Variants in AOPEP observed in about 807,000 individuals in gnomAD.
The protein encoded by AOPEP is aminopeptidase O (putative), also known as aminopeptidase O.
In AOPEP, 77 loss-of-function variants were observed where a neutral mutation model predicts 98.1. The observed-to-expected ratio is 0.78, with a 90% CI of 0.65 to 0.95. The LOEUF is 0.95. Ranked by LOEUF, AOPEP falls within the 40% of genes least tolerant of loss-of-function variation. The pLI, the probability that AOPEP is intolerant of heterozygous loss-of-function variation, is 0.00. For missense variants in AOPEP, 1,024 were observed against 1,024.7 expected (o/e 1.00, Z 0.01); for synonymous variants, 346 against 365.3 (o/e 0.95, Z 0.60).
chr9:95,056,824 C>G (rs975214424), intron 13 of AOPEP, among the ~76,000 whole-genome samples: 1 of 152,194 alleles, frequency 6.6e-6, no homozygotes, highest in Non-Finnish European at 1.5e-5. Flanking sequence ...TAACAAGCAG[C>G]ATTTGTACTT....
chr9:95,034,217 G>C (rs1228600408), intron 13 of AOPEP, among the ~76,000 whole-genome samples: 1 of 152,180 alleles, frequency 6.6e-6, no homozygotes, highest in African/African-American at 2.4e-5. Context: ...AAGCCAAGAT[G>C]TAGGTAGCGA....
chr9:94,825,377 G>C (rs144048671), intron 5 of AOPEP, among the ~76,000 whole-genome samples: 16 of 152,334 alleles, frequency 1.1e-4, no homozygotes, highest in African/African-American at 3.8e-4. Context: ...GTTGTCGAAG[G>C]CATCTCCAGG....
intron 1 of AOPEP, among the ~76,000 whole-genome samples, chr9:94,743,198 A>AGGAAGAAGAGGAAGG (rs1833611661): frequency 1.6e-5 from 2 of 121,252 alleles, no homozygotes; most frequent in African/African-American, 7.1e-5. Context: ...GAAGAAGAAG[A>AGGAAGAAGAGGAAGG]AGAGGAAGAA....
intron 4 of AOPEP, 109 bp from the exon 5 acceptor site, chr9:94,800,648 G>A (rs1392822916): frequency 1.8e-6 from 2 of 1,137,400 alleles, no homozygotes; most frequent in Non-Finnish European, 1.3e-6. Context: ...TTGCTTGTGA[G>A]TCTGTCTGAA....
At chr9:94,799,179 A>T (rs1000401977) in intron 4 of AOPEP, among the ~76,000 whole-genome samples, 7 of 152,184 alleles carry the variant, frequency 4.6e-5, no homozygotes, top group Non-Finnish European at 1.0e-4. Flanking sequence ...TTGGAGAGGA[A>T]TTATTGTTGC....
At chr9:94,821,402 G>A (rs998901585) in intron 5 of AOPEP, among the ~76,000 whole-genome samples, 1 of 152,216 alleles carries the variant, frequency 6.6e-6, no homozygotes, top group Non-Finnish European at 1.5e-5. Flanking sequence ...GAAGGCTAAT[G>A]CTGTATTTTT....
rs1181919829 is a variant in AOPEP at position 94,750,748 on chromosome 9, TTTTC to T, written c.-135-8893_-135-8890del. On this transcript the variant is annotated intron_variant, in intron 1 of 16. Transcript: ENST00000375315. ...GTCTGATGATTTTTCTTTTCTTTTCTTTTCTTTCTTTTTTTTTTTTTTTTGTGAG... is the reference window on the plus strand; with the variant it reads ...GTCTGATGATTTTTCTTTTCTTTTCTTTTCTTTTTTTTTTTTTTTTGTGAG... Among the ~76,000 whole-genome samples, 12 of 149,654 alleles carry T rather than the reference TTTTC, an allele frequency of 8.0e-5. No homozygotes were observed. The East Asian group carries it at 1.4e-3, about 17-fold the overall frequency.
intron 2 of AOPEP, among the ~76,000 whole-genome samples, chr9:94,770,255 C>T (rs1041255944): frequency 2.0e-5 from 3 of 152,216 alleles, no homozygotes; most frequent in Non-Finnish European, 2.9e-5. Context: ...GTAGCTTTGC[C>T]ATCCATCTTA....
intron 5 of AOPEP, among the ~76,000 whole-genome samples, chr9:94,889,037 T>C (rs1295447323): frequency 2.6e-5 from 4 of 151,878 alleles, no homozygotes; most frequent in African/African-American, 7.3e-5. Flanking sequence ...TCTCCTCTGT[T>C]CTCCTTTTTG....
At chr9:94,928,812 T>G in intron 7 of AOPEP, 1 of 343,172 alleles carries the variant, frequency 2.9e-6, no homozygotes, top group Non-Finnish European at 5.3e-6. Context: ...CTTTACGTGG[T>G]GGCTGCGGAT....
chr9:95,117,494 C>G, the AOPEP span: 2 of 819,568 alleles, frequency 2.4e-6, no homozygotes, highest in East Asian at 5.3e-5. Context: ...CCCACCAGTA[C>G]TAACATGGTC....
At chr9:94,741,995 G>A (rs561450650) in intron 1 of AOPEP, among the ~76,000 whole-genome samples, 7 of 152,234 alleles carry the variant, frequency 4.6e-5, no homozygotes, top group Admixed American at 3.9e-4. Flanking sequence ...CCAGTTACAG[G>A]GGTTCAAGAA....
chr9:95,141,985 G>GTTTTTTTTTT, the AOPEP span, among the ~76,000 whole-genome samples: 2 of 83,138 alleles, frequency 2.4e-5, no homozygotes, highest in Non-Finnish European at 2.1e-5. Flanking sequence ...AGTTTGTGGG[G>GTTTTTTTTTT]TTTTTTTTTT....
intron 13 of AOPEP, among the ~76,000 whole-genome samples, chr9:95,009,944 A>G (rs1481335164): frequency 2.0e-5 from 3 of 152,114 alleles, no homozygotes; most frequent in Non-Finnish European, 4.4e-5. Flanking sequence ...AAGTGAAAAA[A>G]AAAAAGATTT....
At chr9:94,810,319 G>GTT (rs528191737) in intron 5 of AOPEP, among the ~76,000 whole-genome samples, 15 of 140,534 alleles carry the variant, frequency 1.1e-4, no homozygotes, top group East Asian at 6.2e-4. Context: ...GGGTTTTTTT[G>GTT]TTTTTTTTTT....
intron 5 of AOPEP, among the ~76,000 whole-genome samples, chr9:94,820,510 T>C (rs190009718): frequency 3.2e-3 from 485 of 152,366 alleles, no homozygotes; most frequent in African/African-American, 0.011. Context: ...CTTTTTTATT[T>C]AGCTGCATAG....
At chr9:95,088,273 G>A (rs1023575914), downstream of AOPEP, among the ~76,000 whole-genome samples, 6 of 151,466 alleles carry the variant, frequency 4.0e-5, no homozygotes, top group Non-Finnish European at 8.8e-5. Context: ...GCAATGGCAC[G>A]ATCTCTGTAC....
intron 11 of AOPEP, among the ~76,000 whole-genome samples, chr9:95,003,165 T>TGTGTGTGTGTGTGTGTGTGC (rs1196387961): frequency 1.4e-5 from 2 of 145,948 alleles, no homozygotes; most frequent in Non-Finnish European, 3.1e-5. Context: ...TGTGTGTGTG[T>TGTGTGTGTGTGTGTGTGTGC]GCGCGCGCGC....
At chr9:95,104,229 A>G in the AOPEP span, among the ~76,000 whole-genome samples, 1 of 152,214 alleles carries the variant, frequency 6.6e-6, no homozygotes, top group Non-Finnish European at 1.5e-5. Flanking sequence ...CTCATTAGGA[A>G]GACTGACGTG....
Sources: allele counts gnomAD v4.1 joint callset (sites outside exome capture counted in the v4.1 genomes callset), GRCh38; gene constraint gnomAD v4.1.1; transcripts MANE v1.5; gene names NCBI Gene and HGNC (gene_info 2026-07-23, HGNC 2026-07-21).